Variants in ZFHX3 observed in about 807,000 individuals in gnomAD.
ZFHX3 encodes zinc finger homeobox 3, also known as zinc finger homeobox protein 3.
In ZFHX3, 42 loss-of-function variants were observed where a neutral mutation model predicts 279.1. That is an observed-to-expected ratio of 0.15 (90% CI 0.12 to 0.19). The LOEUF (loss-of-function observed/expected upper bound fraction) is 0.19, where lower values mean the gene tolerates loss of function less well. Among genes scored for constraint, ZFHX3 ranks in the 10% least tolerant of loss-of-function variants. The pLI, the probability that ZFHX3 is intolerant of heterozygous loss-of-function variation, is 1.00. For missense variants in ZFHX3, 4,981 were observed against 4,754.0 expected (o/e 1.05, Z -1.40); for synonymous variants, 2,293 against 1,957.8 (o/e 1.17, Z -4.52).
intron 4 of ZFHX3, among the ~76,000 whole-genome samples, chr16:73,295,893 C>A (rs1016389097): frequency 2.6e-5 from 4 of 152,204 alleles, no homozygotes; most frequent in Non-Finnish European, 4.4e-5. Flanking sequence ...CAGGAAGTAG[C>A]TTTCTCCAAT....
At chr16:73,265,298 A>C (rs1369556068) in intron 4 of ZFHX3, among the ~76,000 whole-genome samples, 1 of 152,132 alleles carries the variant, frequency 6.6e-6, no homozygotes, top group South Asian at 2.1e-4. Flanking sequence ...GGGGCGGAGC[A>C]GCAGTCATGA....
At chr16:72,889,353 A>G (rs975480811) in intron 4 of ZFHX3, among the ~76,000 whole-genome samples, 5 of 152,156 alleles carry the variant, frequency 3.3e-5, no homozygotes, top group Non-Finnish European at 7.3e-5. Flanking sequence ...GAACCAATAA[A>G]TTGAATCTAA....
intron 1 of ZFHX3, 41 bp from the exon 2 acceptor site, chr16:72,960,235 AAGAG>A: frequency 1.4e-6 from 2 of 1,449,686 alleles, no homozygotes; most frequent in African/African-American, 1.4e-5. Context: ...AGAGAGGGGA[AAGAG>A]AGAGAGAAAG....
chr16:73,509,491 G>A lies in ZFHX3; in HGVS notation c.-1546-53233C>T, dbSNP rs541316413. 4.8e-5 allele frequency among the ~76,000 whole-genome samples: 7 copies of A among 146,096 alleles called. No homozygotes were observed. In the South Asian group the frequency reaches 1.3e-3, roughly 28 times the overall value. ...TTCCCTTCTTACCACTCCCACCTTGGTCCAGACAGTTTAGCTTTCTTTCCC... is the reference window on the plus strand; with the variant it reads ...TTCCCTTCTTACCACTCCCACCTTGATCCAGACAGTTTAGCTTTCTTTCCC... On this transcript the variant is annotated intron_variant, in intron 2 of 17. Coordinates refer to the ZFHX3 transcript ENST00000641206.
rs939451675 is a variant in ZFHX3, at chr16:73,557,068, C to A, written c.-1546-100810G>T. Among the ~76,000 whole-genome samples, 22 of 122,276 alleles carry A rather than the reference C, an allele frequency of 1.8e-4. No homozygotes were observed. The Admixed American group carries it at 2.1e-3, about 12-fold the overall frequency. The allele number at this position is 122,276 out of a possible 152,430, so 80.2% of individuals were successfully genotyped here. A position where few individuals can be genotyped will look rare whatever the true frequency, so the allele number is the denominator to read the frequency against. Reference sequence around the variant, plus strand: ...CGAGATCAGGCCACTGCACTCCACCCTGGGGGACAGAGCAAGACTCCGTCT... The same window carrying A: ...CGAGATCAGGCCACTGCACTCCACCATGGGGGACAGAGCAAGACTCCGTCT... On this transcript the variant is annotated intron_variant, in intron 2 of 17. Transcript: ENST00000641206.
At chr16:73,615,777 C>T (rs2052294351) in intron 2 of ZFHX3, among the ~76,000 whole-genome samples, 1 of 152,168 alleles carries the variant, frequency 6.6e-6, no homozygotes, top group South Asian at 2.1e-4. Flanking sequence ...AGAACAGGGA[C>T]TGACACTCGC....
At chr16:72,993,697 C>T (rs1243611403) in intron 1 of ZFHX3, among the ~76,000 whole-genome samples, 1 of 152,136 alleles carries the variant, frequency 6.6e-6, no homozygotes, top group Non-Finnish European at 1.5e-5. Flanking sequence ...CTTAAAAAGT[C>T]ACTTCACTGA....
intron 1 of ZFHX3, among the ~76,000 whole-genome samples, chr16:72,966,465 C>G (rs546188877): frequency 6.6e-6 from 1 of 152,112 alleles, no homozygotes; most frequent in Non-Finnish European, 1.5e-5. Context: ...AGAGGAAGCC[C>G]GAAGTTGGCA....
At chr16:73,311,791 C>T (rs1044125130) in intron 4 of ZFHX3, among the ~76,000 whole-genome samples, 4 of 152,048 alleles carry the variant, frequency 2.6e-5, no homozygotes, top group Non-Finnish European at 4.4e-5. Context: ...CTTAACAAGA[C>T]GAAATATAAT....
At chr16:73,517,840 T>G (rs1338184234) in intron 2 of ZFHX3, among the ~76,000 whole-genome samples, 2 of 152,166 alleles carry the variant, frequency 1.3e-5, no homozygotes, top group Non-Finnish European at 2.9e-5. Context: ...CTAACAGAAA[T>G]ATCACGTGAG....
At chr16:73,053,921 T>A (rs1272707362) in intron 1 of ZFHX3, among the ~76,000 whole-genome samples, 1 of 152,060 alleles carries the variant, frequency 6.6e-6, no homozygotes. Flanking sequence ...ACCTTTTGTG[T>A]ACACAAGAAA....
intron 7 of ZFHX3, among the ~76,000 whole-genome samples, chr16:72,803,528 T>C (rs1434797731): frequency 6.6e-6 from 1 of 152,118 alleles, no homozygotes; most frequent in Non-Finnish European, 1.5e-5. Context: ...TGCAGAACAA[T>C]ATACATGCTT....
intron 1 of ZFHX3, among the ~76,000 whole-genome samples, chr16:73,008,041 T>G (rs57828240): frequency 0.17 from 26,152 of 152,168 alleles, 2,467 homozygotes; most frequent in East Asian, 0.34. Context: ...CCCAAATAGC[T>G]TTTAGATTTA....
chr16:73,145,652 G>A (rs538040790), intron 5 of ZFHX3, among the ~76,000 whole-genome samples: 12 of 152,348 alleles, frequency 7.9e-5, no homozygotes, highest in African/African-American at 2.9e-4. Context: ...ACATGCAGCT[G>A]GATTTCCATT....
chr16:73,115,429 G>A (rs1231950946), intron 7 of ZFHX3, among the ~76,000 whole-genome samples: 1 of 149,228 alleles, frequency 6.7e-6, no homozygotes, highest in Non-Finnish European at 1.5e-5. Context: ...TGTGCCTATA[G>A]TCCCAGCTAT....
chr16:72,852,698 T>A (rs4788666), intron 4 of ZFHX3, among the ~76,000 whole-genome samples: 4,415 of 152,256 alleles, frequency 0.029, 459 homozygotes, highest in East Asian at 0.19. Flanking sequence ...TTCCTTTTTT[T>A]AAAAAAAGAG....
At chr16:73,692,841 T>C (rs2053162284) in intron 1 of ZFHX3, among the ~76,000 whole-genome samples, 1 of 152,136 alleles carries the variant, frequency 6.6e-6, no homozygotes, top group South Asian at 2.1e-4. Flanking sequence ...AAAGTTAACA[T>C]CCAATCAAGG....
chr16:73,362,491 T>C lies in ZFHX3; in HGVS notation c.-1290-44155A>G, dbSNP rs142849392. ...TCCAATTTACAGCAGGAGCGTCTAA[T>C]GGGTGTTAGGCCTCACCAGACACAC... On this transcript the variant is annotated intron_variant, in intron 3 of 17. Coordinates refer to the ZFHX3 transcript ENST00000641206. Among the ~76,000 whole-genome samples the C allele has an allele frequency of 4.7e-4, 71 of 152,316 alleles. 1 individual carries two copies. Among genetic ancestry groups the C allele is most frequent in the African/African-American group, 1.6e-3 (67 of 41,570 alleles).
chr16:73,295,452 A>C (rs1250745804), intron 4 of ZFHX3, among the ~76,000 whole-genome samples: 1 of 152,184 alleles, frequency 6.6e-6, no homozygotes, highest in Non-Finnish European at 1.5e-5. Flanking sequence ...TAATTTGTGC[A>C]TTTGTGCATT....
Sources: allele counts gnomAD v4.1 joint callset (sites outside exome capture counted in the v4.1 genomes callset), GRCh38; gene constraint gnomAD v4.1.1; transcripts MANE v1.5; gene names NCBI Gene and HGNC (gene_info 2026-07-23, HGNC 2026-07-21).